The following BCAS3 variants were observed in gnomAD, a reference collection of about 807,000 sequenced individuals.
BCAS3 encodes BCAS3 microtubule associated cell migration factor, also known as BCAS4/BCAS3 fusion.
A neutral mutation model predicts 116.1 loss-of-function variants in BCAS3; 53 were observed. That is an observed-to-expected ratio of 0.46 (90% CI 0.37 to 0.57). The LOEUF (loss-of-function observed/expected upper bound fraction) is 0.57. Ranked by LOEUF, BCAS3 falls within the 20% of genes least tolerant of loss-of-function variation. The pLI is 0.00. For synonymous variants in BCAS3, 391 were observed against 408.2 expected, an observed-to-expected ratio of 0.96 and a Z score of 0.51; for missense variants, 917 against 1,165.4, an observed-to-expected ratio of 0.79 and a Z score of 3.10.
Position 61,144,223 on chromosome 17 carries a change from G to A in BCAS3, c.2425+59659G>A, listed in dbSNP as rs1370555948. Among the ~76,000 whole-genome samples, 1 of 151,856 alleles carries A rather than the reference G, an allele frequency of 6.6e-6. No homozygotes were observed. The highest frequency in any genetic ancestry group is 6.6e-5 in the Admixed American group (1 of 15,266). On this transcript the variant is annotated intron_variant, in intron 22 of 23. Coordinates refer to ENST00000407086, the MANE Select transcript of BCAS3 (RefSeq NM_017679.5). The surrounding 1 kb of genome is among the most constrained non-coding windows in gnomAD (Gnocchi z 5.0). Reference sequence around the variant, plus strand: ...TTGGAGCATGGATTTTTTTTTTAAGGAGGGTTATAGTATCCTGAAGACTTC... The same window carrying A: ...TTGGAGCATGGATTTTTTTTTTAAGAAGGGTTATAGTATCCTGAAGACTTC...
In BCAS3 at chr17:60,962,959, A is replaced by G. The variant is rs1188360096; in HGVS notation, c.1221+15607A>G. On this transcript the variant is annotated intron_variant, in intron 14 of 23. Transcript: ENST00000407086. This position sits in a 1 kb window ranked among gnomAD's most constrained non-coding sequence, Gnocchi z 4.4. Reference sequence around the variant, plus strand: ...TCTAGTTTCATTCTTCTGCATAGCTATCCAGTTATCCCACCACCACTTATT... The same window carrying G: ...TCTAGTTTCATTCTTCTGCATAGCTGTCCAGTTATCCCACCACCACTTATT... 1.3e-5 allele frequency among the ~76,000 whole-genome samples: 2 copies of G among 152,178 alleles called. No individual in the cohort carries two copies. Among genetic ancestry groups the G allele is most frequent in the Non-Finnish European group, 2.9e-5 (2 of 68,026 alleles).
Position 61,336,005 on chromosome 17 carries a change from C to T in BCAS3, c.2426-32322C>T, listed in dbSNP as rs116114024. ...CCCCCACCTCGGGGAGCCCTCGCTC[C>T]CAGCCCCCTTTCCATACTTTTCAGA... On this transcript the variant is annotated intron_variant, in intron 22 of 23. Coordinates refer to ENST00000407086, the MANE Select transcript of BCAS3 (RefSeq NM_017679.5). 5.2e-3 allele frequency among the ~76,000 whole-genome samples: 795 copies of T among 152,358 alleles called. 5 individuals are homozygous for T. The highest frequency in any genetic ancestry group is 0.018 in the African/African-American group (756 of 41,588).
intron 18 of BCAS3, among the ~76,000 whole-genome samples, chr17:61,040,425 T>C (rs2067409874): frequency 6.6e-6 from 1 of 152,244 alleles, no homozygotes. Context: ...TATTTTAAAA[T>C]ATACACATAT....
intron 9 of BCAS3, among the ~76,000 whole-genome samples, chr17:60,879,318 G>C (rs2055900019): frequency 6.6e-6 from 1 of 152,196 alleles, no homozygotes; most frequent in Admixed American, 6.5e-5. Context: ...CCTTTTTAGT[G>C]CATTGGTTAT....
chr17:60,822,918 A>G (rs978884754), intron 7 of BCAS3, among the ~76,000 whole-genome samples: 10 of 152,214 alleles, frequency 6.6e-5, no homozygotes, highest in African/African-American at 2.4e-4. Flanking sequence ...CACATGGAGA[A>G]AGAGACCCAA....
At chr17:61,304,335 C>A (rs997149284) in intron 22 of BCAS3, among the ~76,000 whole-genome samples, 1 of 152,236 alleles carries the variant, frequency 6.6e-6, no homozygotes, top group Non-Finnish European at 1.5e-5. Flanking sequence ...CTTAGCAAGG[C>A]CTGCAAAACC....
intron 13 of BCAS3, among the ~76,000 whole-genome samples, chr17:60,935,069 C>A (rs774007494): frequency 6.6e-6 from 1 of 151,944 alleles, no homozygotes; most frequent in Non-Finnish European, 1.5e-5. Flanking sequence ...GAGGCTGAGG[C>A]GTGAGAATTG....
Position 61,380,583 on chromosome 17 carries a change from C to T in BCAS3, c.2594-11394C>T, listed in dbSNP as rs754418957. On this transcript the variant is annotated intron_variant, in intron 23 of 23. Coordinates refer to ENST00000407086, the MANE Select transcript of BCAS3 (RefSeq NM_017679.5). This position sits in a 1 kb window ranked among gnomAD's most constrained non-coding sequence, Gnocchi z 4.2. ...AGTGAAGTGTTTTGGTATGTAACGTCCTATCTTTGCCTATGTGGAAGGGGT... is the reference window on the plus strand; with the variant it reads ...AGTGAAGTGTTTTGGTATGTAACGTTCTATCTTTGCCTATGTGGAAGGGGT... 25 of 1,595,394 alleles carry T rather than the reference C, an allele frequency of 1.6e-5. No individual in the cohort carries two copies. The South Asian group carries it at 2.7e-4, about 18-fold the overall frequency.
chr17:60,891,630 A>C, intron 10 of BCAS3: 1 of 453,138 alleles, frequency 2.2e-6, no homozygotes, highest in Non-Finnish European at 4.4e-6. Context: ...CTCTTTGACT[A>C]TAAAATCTTA....
intron 15 of BCAS3, among the ~76,000 whole-genome samples, chr17:61,003,269 A>T: frequency 6.8e-6 from 1 of 147,106 alleles, no homozygotes; most frequent in African/African-American, 2.5e-5. Context: ...TTTTCTTTGA[A>T]TTTTTTTTAT....
intron 22 of BCAS3, among the ~76,000 whole-genome samples, chr17:61,146,142 T>C (rs1468250129): frequency 6.7e-6 from 1 of 149,230 alleles, no homozygotes; most frequent in East Asian, 2.0e-4. Flanking sequence ...AGTTTCACGC[T>C]GTGGCCCAGG....
intron 15 of BCAS3, among the ~76,000 whole-genome samples, chr17:61,001,222 C>G (rs899200460): frequency 2.0e-5 from 3 of 152,112 alleles, no homozygotes; most frequent in African/African-American, 7.2e-5. Context: ...CCTCTCATTT[C>G]TTGGACTTGG....
intron 23 of BCAS3, among the ~76,000 whole-genome samples, chr17:61,386,159 C>T (rs1470012546): frequency 2.0e-5 from 3 of 152,258 alleles, no homozygotes; most frequent in Non-Finnish European, 2.9e-5. Flanking sequence ...CATCGTTAAC[C>T]TCATGTTCGG....
rs1160653852 is a variant in BCAS3 at position 61,145,730 on chromosome 17, T to G, written c.2425+61166T>G. Reference sequence around the variant, plus strand: ...ATTAAAGAGAAATTGAAAATCTAAGTCTTGCAGTGAGAATGACCAGAAATC... The same window carrying G: ...ATTAAAGAGAAATTGAAAATCTAAGGCTTGCAGTGAGAATGACCAGAAATC... On this transcript the variant is annotated intron_variant, in intron 22 of 23. Transcript: ENST00000407086. This position sits in a 1 kb window ranked among gnomAD's most constrained non-coding sequence, Gnocchi z 5.0. Among the ~76,000 whole-genome samples, 2 of 152,198 alleles carry G rather than the reference T, an allele frequency of 1.3e-5. No homozygotes were observed. Among genetic ancestry groups the G allele is most frequent in the Non-Finnish European group, 2.9e-5 (2 of 68,038 alleles).
chr17:60,811,828 G>A (rs1166027669), intron 7 of BCAS3, among the ~76,000 whole-genome samples: 2 of 152,150 alleles, frequency 1.3e-5, no homozygotes, highest in Non-Finnish European at 2.9e-5. Context: ...CCAGCGGATC[G>A]CTTGAGCTCA....
intron 12 of BCAS3, among the ~76,000 whole-genome samples, chr17:60,913,866 A>G (rs1453175002): frequency 6.6e-6 from 1 of 152,142 alleles, no homozygotes; most frequent in Non-Finnish European, 1.5e-5. Context: ...CTTTGCATCC[A>G]TTTTTATCTG....
chr17:61,347,392 T>C lies in BCAS3; in HGVS notation c.2426-20935T>C, dbSNP rs1298493114. On this transcript the variant is annotated intron_variant, in intron 22 of 23. Transcript: ENST00000407086. This position sits in a 1 kb window ranked among gnomAD's most constrained non-coding sequence, Gnocchi z 4.3. ...CCACCGCACCCGGCCAGAATCACTC[T>C]TCAGATATTTGAATAGTGAAATTGT... 5.9e-5 allele frequency among the ~76,000 whole-genome samples: 9 copies of C among 152,220 alleles called. No individual in the cohort carries two copies. Among genetic ancestry groups the C allele is most frequent in the Non-Finnish European group, 2.9e-5 (2 of 68,036 alleles).
rs994338428 is a variant in BCAS3 at position 61,228,192 on chromosome 17, G to A, written c.2426-140135G>A. On this transcript the variant is annotated intron_variant, in intron 22 of 23. Coordinates refer to ENST00000407086, the MANE Select transcript of BCAS3 (RefSeq NM_017679.5). This position sits in a 1 kb window ranked among gnomAD's most constrained non-coding sequence, Gnocchi z 5.0. ...GACAAGTACCTGGCTCTTAATTGAA[G>A]TCTTGAACAGTTTCAAAGATGGGAA... 1.4e-4 allele frequency among the ~76,000 whole-genome samples: 22 copies of A among 152,158 alleles called. No individual in the cohort carries two copies. Among genetic ancestry groups the A allele is most frequent in the Admixed American group, 1.2e-3 (19 of 15,274 alleles).
chr17:60,780,146 A>T (rs2045678245), intron 6 of BCAS3, among the ~76,000 whole-genome samples: 1 of 151,540 alleles, frequency 6.6e-6, no homozygotes. Context: ...ACGTGCCACC[A>T]CACCCAGCTA....
Sources: gnomAD v4.1 joint callset for allele counts (sites outside exome capture counted in the v4.1 genomes callset) on GRCh38, gnomAD v4.1.1 for gene constraint, Gnocchi (gnomAD v3.1) non-coding constraint, MANE v1.5 for transcripts, NCBI Gene and HGNC (gene_info 2026-07-23, HGNC 2026-07-21) for gene names.